The following SMG7 variants were observed in gnomAD, a reference collection of about 807,000 sequenced individuals.
SMG7 encodes the protein nonsense-mediated mRNA decay factor SMG7.
In SMG7, 34 loss-of-function variants were observed where a neutral mutation model predicts 148.2. The ratio of observed to expected loss-of-function variants is 0.23; its 90% CI spans 0.17 to 0.31. SMG7 has a LOEUF of 0.31. Among genes scored for constraint, SMG7 ranks in the 10% least tolerant of loss-of-function variants. SMG7 has a pLI of 1.00. For synonymous variants in SMG7, 492 were observed against 515.1 expected, an observed-to-expected ratio of 0.96 and a Z score of 0.61; for missense variants, 1,114 against 1,408.4, an observed-to-expected ratio of 0.79 and a Z score of 3.35.
In SMG7 at chr1:183,533,771, A is replaced by C. The variant is rs1178243020; in HGVS notation, c.1102A>C (p.Met368Leu). 1.2e-6 allele frequency: 2 copies of C among 1,613,598 alleles called. No individual in the cohort carries two copies. Among genetic ancestry groups the C allele is most frequent in the South Asian group, 2.2e-5 (2 of 91,080 alleles). Reference sequence around the variant, plus strand: ...TCCTCTTCCAGCAGTCAAGGTCTCCATGGACTGGCTAAGACTCAGACCCAG... The same window carrying C: ...TCCTCTTCCAGCAGTCAAGGTCTCCCTGGACTGGCTAAGACTCAGACCCAG... ...AYPLPAVKVS[M>L]DWLRLRPRVF... The change falls in exon 10 of 23, where the codon ATG becomes CTG. Residue 368 changes from methionine to leucine, a missense_variant. Met to Leu is a conservative substitution (Grantham distance 15). This residue lies in a region of SMG7 where 102 missense variants were observed against 147.2 expected (regional missense o/e 0.69). Coordinates refer to ENST00000688051, the MANE Select transcript of SMG7 (RefSeq NM_001375584.1).
chr1:183,544,821 T>G lies in SMG7; in HGVS notation c.1988-109T>G, dbSNP rs1572088984. On this transcript the variant is annotated intron_variant, in intron 15 of 22. Transcript: ENST00000688051. ...GATTGACAACATGACTAATCTCTTTTGTGATGTGTTAGAAGACTCCCTCTA... is the reference window on the plus strand; with the variant it reads ...GATTGACAACATGACTAATCTCTTTGGTGATGTGTTAGAAGACTCCCTCTA... The G allele has an allele frequency of 1.5e-5, 16 of 1,089,468 alleles. No homozygotes were observed. In the East Asian group the frequency reaches 2.9e-4, roughly 19 times the overall value. 67.5% of individuals were successfully genotyped at this position (1,089,468 alleles called of 1,614,324 possible).
chr1:183,543,129 T>A (rs989921044), intron 14 of SMG7, among the ~76,000 whole-genome samples: 1 of 152,120 alleles, frequency 6.6e-6, no homozygotes, highest in Non-Finnish European at 1.5e-5. Flanking sequence ...GCTCAGTTAT[T>A]TGTGACTTTC....
chr1:183,525,560 TTTG>T (rs1665672039), intron 4 of SMG7, among the ~76,000 whole-genome samples: 1 of 152,124 alleles, frequency 6.6e-6, no homozygotes, highest in Non-Finnish European at 1.5e-5. Flanking sequence ...TTAGCTCTGT[TTTG>T]TTTTTTGTTC....
intron 18 of SMG7, among the ~76,000 whole-genome samples, chr1:183,547,633 TA>T (rs1411761100): frequency 6.6e-5 from 10 of 152,208 alleles, no homozygotes; most frequent in Admixed American, 5.2e-4. Context: ...TTCTCATATG[TA>T]GCCAAAATAT....
chr1:183,542,937 G>A (rs964213725), intron 14 of SMG7, among the ~76,000 whole-genome samples: 7 of 69,816 alleles, frequency 1.0e-4, no homozygotes, highest in African/African-American at 2.1e-4. Flanking sequence ...ATGTGTGTGT[G>A]TGTGTGTGTG....
chr1:183,547,942 G>A (rs146769647), intron 18 of SMG7, among the ~76,000 whole-genome samples: 1 of 152,194 alleles, frequency 6.6e-6, no homozygotes, highest in East Asian at 1.9e-4. Context: ...TACTGTGGGT[G>A]GGGAGTATAA....
chr1:183,472,766 C>A, intron 1 of SMG7, 117 bp downstream of exon 1: 1 of 961,916 alleles, frequency 1.0e-6, no homozygotes, highest in Non-Finnish European at 1.4e-6. Context: ...CTCTCCTCGC[C>A]GGGCAGGTCG....
At position 183,524,214 on chromosome 1, in the gene SMG7, G is replaced by A. The variant is rs538693339; in HGVS notation, c.313-2382G>A. On this transcript the variant is annotated intron_variant, in intron 4 of 22. Transcript: ENST00000688051. ...CTCCCGCCTCACCCTTCCAAAGTAC[G>A]GGGACTATAGCACTGCATGCCACCA... Among the ~76,000 whole-genome samples the A allele has an allele frequency of 9.5e-4, 145 of 151,978 alleles. 1 individual carries two copies. Among genetic ancestry groups the A allele is most frequent in the Non-Finnish European group, 3.7e-4 (25 of 67,946 alleles).
In SMG7 at chr1:183,540,973, G is replaced by T; in HGVS notation, c.1296-11G>T. The stretch of plus-strand genomic sequence containing the variant: ...TTTAATATTCTCATAACTTGCTTGT[G>T]TCAATTTTAGGAACTTGGATTTTTC... On this transcript the variant is annotated splice_polypyrimidine_tract_variant and intron_variant, in intron 12 of 22. Coordinates refer to ENST00000688051, the MANE Select transcript of SMG7 (RefSeq NM_001375584.1). 6.2e-7 allele frequency: 1 copy of T among 1,610,908 alleles called. No homozygotes were observed. Among genetic ancestry groups the T allele is most frequent in the African/African-American group, 1.3e-5 (1 of 74,888 alleles).
chr1:183,504,911 G>T (rs995438735), intron 1 of SMG7, among the ~76,000 whole-genome samples: 2 of 151,986 alleles, frequency 1.3e-5, no homozygotes, highest in African/African-American at 4.8e-5. Context: ...ATTTTATTCT[G>T]ACTCTTTTTC....
chr1:183,546,691 C>T (rs984884406), intron 17 of SMG7, among the ~76,000 whole-genome samples: 1 of 152,226 alleles, frequency 6.6e-6, no homozygotes, highest in African/African-American at 2.4e-5. Context: ...AAATTGCTCT[C>T]TGAGAGGAAC....
intron 10 of SMG7, among the ~76,000 whole-genome samples, chr1:183,534,533 C>T (rs954045676): frequency 2.6e-5 from 4 of 152,144 alleles, no homozygotes; most frequent in Non-Finnish European, 5.9e-5. Context: ...TGACCAAGGT[C>T]ACAACTTAGA....
intron 1 of SMG7, among the ~76,000 whole-genome samples, chr1:183,479,026 T>G (rs1173353861): frequency 1.3e-5 from 2 of 152,188 alleles, no homozygotes; most frequent in Non-Finnish European, 1.5e-5. Flanking sequence ...GAGTGGAATT[T>G]TGGCAGGTAT....
chr1:183,549,265 C>G lies in SMG7; in HGVS notation c.2950C>G (p.Leu984Val). 1.2e-6 allele frequency: 2 copies of G among 1,613,442 alleles called. No homozygotes were observed. The highest frequency in any genetic ancestry group is 1.7e-6 in the Non-Finnish European group (2 of 1,179,416). The change falls in exon 19 of 23, where the codon CTC (leucine) becomes GTC (valine). Residue 984 changes from leucine (L) to valine (V), a missense_variant. This residue lies in a region of SMG7 where 788 missense variants were observed against 894.5 expected (regional missense o/e 0.88). Coordinates refer to ENST00000688051, the MANE Select transcript of SMG7 (RefSeq NM_001375584.1). ...GTCACATTCATCCTCTTTCCTGTCCCTCACCGGATTCTCTCTCAATCAGGT... is the reference window on the plus strand; with the variant it reads ...GTCACATTCATCCTCTTTCCTGTCCGTCACCGGATTCTCTCTCAATCAGGT... ...LMSHSSSFLS[L>V]TGFSLNQERY...
rs1228511829 is a variant in SMG7 at position 183,552,757 on chromosome 1, G to A, written c.*826G>A. The A allele has an allele frequency of 7.2e-5, 100 of 1,379,340 alleles. No homozygotes were observed. The highest frequency in any genetic ancestry group is 5.4e-4 in the East Asian group (20 of 37,260). The allele number at this position is 1,379,340 out of a possible 1,614,324, so 85.4% of individuals were successfully genotyped here. On this transcript the variant is annotated 3_prime_UTR_variant, in exon 23 of 23. Transcript: ENST00000688051. ...TTTGATTCCTGTACATTTTACAGTC[G>A]CACAGCAAGCAGTCTCACAGAAGGC...
chr1:183,526,786 G>T lies in SMG7; in HGVS notation c.484+19G>T. ...GACATTGGTGAGCCTTTGCTGTGAA[G>T]GAATTGATAATATGTTCCTCCTTTT... On this transcript the variant is annotated intron_variant, in intron 5 of 22. Transcript: ENST00000688051. 1 of 1,585,750 alleles carries T rather than the reference G, an allele frequency of 6.3e-7. No homozygotes were observed. The highest frequency in any genetic ancestry group is 8.6e-7 in the Non-Finnish European group (1 of 1,166,892).
chr1:183,502,290 G>A (rs1240328451), intron 1 of SMG7: 2 of 1,533,620 alleles, frequency 1.3e-6, no homozygotes, highest in Non-Finnish European at 1.7e-6. Context: ...GAAATTGGAT[G>A]TTCTTGCAGA....
Position 183,549,930 on chromosome 1 carries a change from A to G in SMG7, c.3133+7A>G, listed in dbSNP as rs530015317. The G allele has an allele frequency of 6.2e-7, 1 of 1,606,620 alleles. No homozygotes were observed. Among genetic ancestry groups the G allele is most frequent in the East Asian group, 2.2e-5 (1 of 44,812 alleles). ...TCACTTCCTGCCAGTTCAGGTATTA[A>G]CTACTCTTTAAATTATAGACCTTAC... On this transcript the variant is annotated splice_region_variant and intron_variant, in intron 20 of 22. Transcript: ENST00000688051.
chr1:183,520,588 G>GT (rs1664541141), intron 4 of SMG7, among the ~76,000 whole-genome samples: 1 of 152,054 alleles, frequency 6.6e-6, no homozygotes, highest in South Asian at 2.1e-4. Context: ...GGAAGGAGGT[G>GT]GTGCAGCTGG....
Sources: gnomAD v4.1 joint callset for allele counts (sites outside exome capture counted in the v4.1 genomes callset) on GRCh38, gnomAD v4.1.1 for gene constraint, gnomAD v4.1.1 regional missense constraint, MANE v1.5 for transcripts, NCBI Gene and HGNC (gene_info 2026-07-23, HGNC 2026-07-21) for gene names.